The following YWHAQ variants were observed in gnomAD, a reference collection of about 807,000 sequenced individuals.
YWHAQ encodes 14-3-3 protein theta.
In YWHAQ, 6 loss-of-function variants were observed where a neutral mutation model predicts 28.3. The observed-to-expected ratio is 0.21, with a 90% CI of 0.12 to 0.42. The LOEUF (loss-of-function observed/expected upper bound fraction) is 0.42, where lower values mean the gene tolerates loss of function less well. YWHAQ is among the 10% of genes least tolerant of loss of function. The pLI is 1.00. For missense variants in YWHAQ, 201 were observed against 305.6 expected (o/e 0.66, Z 2.55); for synonymous variants, 143 against 119.1 (o/e 1.20, Z -1.31).
At chr2:9,617,435 A>G (rs1667060073) in intron 2 of YWHAQ, among the ~76,000 whole-genome samples, 1 of 152,164 alleles carries the variant, frequency 6.6e-6, no homozygotes, top group Non-Finnish European at 1.5e-5. Context: ...AAATTCATAG[A>G]AAGTAGAATG....
chr2:9,595,464 G>A (rs1473061064), intron 2 of YWHAQ, among the ~76,000 whole-genome samples: 1 of 152,110 alleles, frequency 6.6e-6, no homozygotes, highest in Admixed American at 6.6e-5. Context: ...CAGCACTTTG[G>A]GAGGCCGAGA....
At chr2:9,588,376 A>G in intron 3 of YWHAQ, 48 bp from the exon 4 acceptor site, 1 of 1,578,348 alleles carries the variant, frequency 6.3e-7, no homozygotes, top group Non-Finnish European at 8.6e-7. Context: ...ATAACCATCC[A>G]GTACACAGTA....
intron 3 of YWHAQ, 107 bp downstream of exon 3, chr2:9,591,283 TTA>T: frequency 7.7e-7 from 1 of 1,303,404 alleles, no homozygotes. Context: ...ATACATTCAA[TTA>T]TTAAGTCACA....
rs1284443542 is a variant in YWHAQ, at chr2:9,630,289, C to T, written c.164G>A (p.Arg55His). The T allele has an allele frequency of 6.2e-7, 1 of 1,614,178 alleles. No individual in the cohort carries two copies. The highest frequency in any genetic ancestry group is 1.3e-5 in the African/African-American group (1 of 75,064). The change falls in exon 2 of 6, where the codon CGC (arginine) becomes CAC (histidine). Residue 55 changes from arginine (R) to histidine (H), a missense_variant. Physicochemically the swap from Arg to His is conservative, Grantham distance 29. Transcript: ENST00000238081. The surrounding 1 kb of genome is among the most constrained non-coding windows in gnomAD (Gnocchi z 5.6). The stretch of plus-strand genomic sequence containing the variant: ...AGAGATGACCCTCCAGGCGGACCTG[C>T]GGCCCCCGACCACGTTCTTGTAGGC... ...SVAYKNVVGGRRSAWRVISSI... is the reference protein window; with the variant it reads ...SVAYKNVVGGHRSAWRVISSI...
chr2:9,617,086 G>A (rs934127452), intron 2 of YWHAQ, among the ~76,000 whole-genome samples: 28 of 151,534 alleles, frequency 1.8e-4, no homozygotes, highest in Admixed American at 1.3e-3. Context: ...TCAGCCTCCC[G>A]AGTAGCTGGG....
chr2:9,607,027 C>T (rs970615140), intron 2 of YWHAQ, among the ~76,000 whole-genome samples: 3 of 149,022 alleles, frequency 2.0e-5, no homozygotes, highest in Admixed American at 6.7e-5. Context: ...TGGGATTACA[C>T]GTGCGCGACA....
intron 2 of YWHAQ, among the ~76,000 whole-genome samples, 192 bp downstream of exon 2, chr2:9,629,967 T>C (rs1667327188): frequency 6.6e-6 from 1 of 152,092 alleles, no homozygotes; most frequent in African/African-American, 2.4e-5. Context: ...AAAGGACTTA[T>C]CCTTGGAAAA....
intron 2 of YWHAQ, among the ~76,000 whole-genome samples, chr2:9,591,986 C>A (rs1666464676): frequency 6.6e-6 from 1 of 152,126 alleles, no homozygotes; most frequent in Admixed American, 6.5e-5. Context: ...CTGGAGATGG[C>A]CTCCAGTTAA....
At chr2:9,594,644 T>C (rs1416906206) in intron 2 of YWHAQ, among the ~76,000 whole-genome samples, 1 of 152,176 alleles carries the variant, frequency 6.6e-6, no homozygotes, top group East Asian at 1.9e-4. Flanking sequence ...TCAGTTACAA[T>C]GAAATTCCAC....
chr2:9,622,943 T>A (rs959832156), intron 2 of YWHAQ, among the ~76,000 whole-genome samples: 1 of 152,240 alleles, frequency 6.6e-6, no homozygotes, highest in South Asian at 2.1e-4. Flanking sequence ...GTGGTATGAA[T>A]TCAGATACGT....
At chr2:9,617,926 C>CA (rs771069949) in intron 2 of YWHAQ, among the ~76,000 whole-genome samples, 1,365 of 123,578 alleles carry the variant, frequency 0.011, 17 homozygotes, top group African/African-American at 0.034. Flanking sequence ...GACCCTCTGC[C>CA]AAAAAAAAAA....
At position 9,611,138 on chromosome 2, in the gene YWHAQ, A is replaced by G. The variant is rs186280104; in HGVS notation, c.294+19021T>C. On this transcript the variant is annotated intron_variant, in intron 2 of 5. Coordinates refer to ENST00000238081, the MANE Select transcript of YWHAQ (RefSeq NM_006826.4). ...TTGTCCGGGTTTGATACATAAGGAC[A>G]CTGAAGGATCCAATGTACAGTCTAA... Among the ~76,000 whole-genome samples, 152 of 152,336 alleles carry G rather than the reference A, an allele frequency of 1.0e-3. 1 individual carries two copies. The highest frequency in any genetic ancestry group is 3.3e-3 in the African/African-American group (139 of 41,580).
chr2:9,628,424 A>G (rs1178791909), intron 2 of YWHAQ, among the ~76,000 whole-genome samples: 2 of 152,258 alleles, frequency 1.3e-5, no homozygotes, highest in Non-Finnish European at 2.9e-5. Flanking sequence ...CCATCATAAA[A>G]AGCAGAATTT....
rs1666317236 is a variant in YWHAQ at position 9,585,134 on chromosome 2, G to C, written c.*152C>G. The C allele has an allele frequency of 3.7e-6, 3 of 815,136 alleles. No homozygotes were observed. Among genetic ancestry groups the C allele is most frequent in the Non-Finnish European group, 3.9e-6 (2 of 511,950 alleles). 50.5% of individuals were successfully genotyped at this position (815,136 alleles called of 1,614,324 possible). Reference sequence around the variant, plus strand: ...AGACAAACACAAATCAAGGAATGAAGTTTTCCCAAAGCTGCAGTGTGAAAA... The same window carrying C: ...AGACAAACACAAATCAAGGAATGAACTTTTCCCAAAGCTGCAGTGTGAAAA... On this transcript the variant is annotated 3_prime_UTR_variant, in exon 6 of 6. Coordinates refer to ENST00000238081, the MANE Select transcript of YWHAQ (RefSeq NM_006826.4).
chr2:9,585,178 C>T lies in YWHAQ; in HGVS notation c.*108G>A. 1 of 1,207,016 alleles carries T rather than the reference C, an allele frequency of 8.3e-7. No individual in the cohort carries two copies. The highest frequency in any genetic ancestry group is 1.3e-5 in the South Asian group (1 of 78,690). The allele number at this position is 1,207,016 out of a possible 1,614,324, so 74.8% of individuals were successfully genotyped here. ...GTGAAAAGACTATAAACAGTTGATT[C>T]CATACACATGAATGGGTTTCTTTGC... On this transcript the variant is annotated 3_prime_UTR_variant, in exon 6 of 6. Transcript: ENST00000238081.
chr2:9,612,310 C>T (rs1363383899), intron 2 of YWHAQ, among the ~76,000 whole-genome samples: 2 of 152,136 alleles, frequency 1.3e-5, no homozygotes, highest in East Asian at 1.9e-4. Context: ...ATTGCGGGCA[C>T]GTTAACTCCT....
At position 9,630,132 on chromosome 2, in the gene YWHAQ, C is replaced by T; in HGVS notation, c.294+27G>A. On this transcript the variant is annotated intron_variant, in intron 2 of 5. Transcript: ENST00000238081. This position sits in a 1 kb window ranked among gnomAD's most constrained non-coding sequence, Gnocchi z 5.6. ...ATGAAAAGCATCTCACAAAAGGCCT[C>T]CCCTGCTCCCCGCGCCGAGGACTCA... 6.3e-7 allele frequency: 1 copy of T among 1,598,240 alleles called. No individual in the cohort carries two copies. Among genetic ancestry groups the T allele is most frequent in the Non-Finnish European group, 8.6e-7 (1 of 1,169,132 alleles).
chr2:9,590,098 T>C (rs1016702840), intron 3 of YWHAQ, among the ~76,000 whole-genome samples: 3 of 152,230 alleles, frequency 2.0e-5, no homozygotes, highest in Admixed American at 6.5e-5. Flanking sequence ...AGACAGCCTA[T>C]CTATGAATCG....
At chr2:9,589,508 G>A (rs750087850) in intron 3 of YWHAQ, among the ~76,000 whole-genome samples, 2 of 152,104 alleles carry the variant, frequency 1.3e-5, no homozygotes, top group South Asian at 2.1e-4. Context: ...ACTTGAACCC[G>A]GGAGGCGGAG....
Sources: gnomAD v4.1 joint callset for allele counts (sites outside exome capture counted in the v4.1 genomes callset) on GRCh38, gnomAD v4.1.1 for gene constraint, Gnocchi (gnomAD v3.1) non-coding constraint, MANE v1.5 for transcripts, NCBI Gene and HGNC (gene_info 2026-07-23, HGNC 2026-07-21) for gene names.